Variants in CYTH1 observed in about 807,000 individuals in gnomAD.
CYTH1 encodes cytohesin 1, also known as cytohesin-1.
A neutral mutation model predicts 61.8 loss-of-function variants in CYTH1; 18 were observed. That is an observed-to-expected ratio of 0.29 (90% confidence interval 0.20 to 0.43). CYTH1 has a LOEUF of 0.43. CYTH1 is among the 20% of genes least tolerant of loss of function. The pLI, the probability that CYTH1 is intolerant of heterozygous loss-of-function variation, is 1.00. For missense variants in CYTH1, 336 were observed against 510.5 expected (o/e 0.66, Z 3.29); for synonymous variants, 174 against 184.3 (o/e 0.94, Z 0.45).
In CYTH1 at chr17:78,772,521, G is replaced by A. The variant is rs752668102; in HGVS notation, c.22+9681C>T. Among the ~76,000 whole-genome samples, 11 of 152,132 alleles carry A rather than the reference G, an allele frequency of 7.2e-5. No homozygotes were observed. In the East Asian group the frequency reaches 2.1e-3, roughly 29 times the overall value. On this transcript the variant is annotated intron_variant, in intron 1 of 13. Coordinates refer to ENST00000446868, the MANE Select transcript of CYTH1 (RefSeq NM_004762.6). ...GAGCCATAAGATTCCAGAAACTGAAGTGTTTTGTTTTGTTTCGTTTTTGTT... is the reference window on the plus strand; with the variant it reads ...GAGCCATAAGATTCCAGAAACTGAAATGTTTTGTTTTGTTTCGTTTTTGTT...
chr17:78,776,816 T>TTG (rs1218346923), intron 1 of CYTH1, among the ~76,000 whole-genome samples: 2 of 151,700 alleles, frequency 1.3e-5, no homozygotes, highest in African/African-American at 4.8e-5. Context: ...ATAAACAGTT[T>TTG]TTTTTTTTTT....
chr17:78,712,862 C>T (rs959615087), intron 1 of CYTH1, among the ~76,000 whole-genome samples: 20 of 151,828 alleles, frequency 1.3e-4, no homozygotes, highest in African/African-American at 3.1e-4. Context: ...CCTTAAACTG[C>T]GTCCCTGAGA....
chr17:78,780,082 C>G lies in CYTH1; in HGVS notation c.22+2120G>C, dbSNP rs954386302. On this transcript the variant is annotated intron_variant, in intron 1 of 13. Coordinates refer to ENST00000446868, the MANE Select transcript of CYTH1 (RefSeq NM_004762.6). Reference sequence around the variant, plus strand: ...AGCCTGGTAGGCAGGACACTGGGATCTGAGGGAAATTAAATGGCAAGAGGA... The same window carrying G: ...AGCCTGGTAGGCAGGACACTGGGATGTGAGGGAAATTAAATGGCAAGAGGA... Among the ~76,000 whole-genome samples, 3 of 152,208 alleles carry G rather than the reference C, an allele frequency of 2.0e-5. No individual in the cohort carries two copies. In the East Asian group the frequency reaches 5.8e-4, roughly 29 times the overall value.
At chr17:78,699,954 T>A (rs1227395932) in intron 7 of CYTH1, among the ~76,000 whole-genome samples, 6 of 152,156 alleles carry the variant, frequency 3.9e-5, no homozygotes, top group African/African-American at 1.4e-4. Flanking sequence ...CACACCTGGC[T>A]AATTTTTAAA....
intron 11 of CYTH1, among the ~76,000 whole-genome samples, chr17:78,686,024 G>C (rs545682021): frequency 2.6e-5 from 4 of 152,242 alleles, no homozygotes; most frequent in African/African-American, 9.6e-5. Context: ...TCTTTGATTT[G>C]CAGATTCAGG....
At chr17:78,692,597 G>T in intron 10 of CYTH1, 104 bp from the exon 11 acceptor site, 1 of 1,037,472 alleles carries the variant, frequency 9.6e-7, no homozygotes, top group Non-Finnish European at 1.5e-6. Context: ...TTGGGGGAGA[G>T]GCATCAGGAG....
intron 3 of CYTH1, among the ~76,000 whole-genome samples, chr17:78,705,282 C>T (rs912858116): frequency 6.6e-6 from 1 of 152,156 alleles, no homozygotes; most frequent in South Asian, 2.1e-4. Context: ...CTGGGACACA[C>T]ACCAGAGATG....
chr17:78,754,349 CT>C (rs879811186), intron 1 of CYTH1, among the ~76,000 whole-genome samples: 4 of 149,156 alleles, frequency 2.7e-5, no homozygotes, highest in Non-Finnish European at 4.5e-5. Context: ...TTTTTGTTTT[CT>C]TTTTTTTTTC....
At chr17:78,749,224 C>T (rs959775943) in intron 1 of CYTH1, among the ~76,000 whole-genome samples, 2 of 152,114 alleles carry the variant, frequency 1.3e-5, no homozygotes, top group South Asian at 2.1e-4. Flanking sequence ...CTTTGGGAGG[C>T]GAAGGCAGGC....
At chr17:78,763,314 AAAG>A (rs1470808998) in intron 1 of CYTH1, among the ~76,000 whole-genome samples, 2 of 152,096 alleles carry the variant, frequency 1.3e-5, no homozygotes, top group African/African-American at 4.8e-5. Context: ...AAAAAAAAAA[AAAG>A]ACTTTTAATC....
chr17:78,711,302 A>AAATAAT (rs1349893231), intron 1 of CYTH1, among the ~76,000 whole-genome samples: 35 of 132,238 alleles, frequency 2.6e-4, no homozygotes, highest in African/African-American at 9.3e-4. Flanking sequence ...ATAAATAAAT[A>AAATAAT]ATATATATAT....
chr17:78,700,117 T>C lies in CYTH1; in HGVS notation c.550+214A>G, dbSNP rs151029534. On this transcript the variant is annotated intron_variant, in intron 7 of 13. Transcript: ENST00000446868. The surrounding 1 kb of genome is among the most constrained non-coding windows in gnomAD (Gnocchi z 5.1). Reference sequence around the variant, plus strand: ...GCTAAAACATGGTTTTTAATAGCTGTGTATTTCGTAGTTCAGAGGTACCAC... The same window carrying C: ...GCTAAAACATGGTTTTTAATAGCTGCGTATTTCGTAGTTCAGAGGTACCAC... Among the ~76,000 whole-genome samples the C allele has an allele frequency of 2.6e-3, 393 of 152,316 alleles. 1 individual carries two copies. The highest frequency in any genetic ancestry group is 7.9e-3 in the African/African-American group (329 of 41,554).
intron 13 of CYTH1, among the ~76,000 whole-genome samples, chr17:78,679,829 C>T (rs545645245): frequency 9.2e-5 from 14 of 152,334 alleles, no homozygotes; most frequent in Admixed American, 6.5e-4. Context: ...TCACAAATTA[C>T]AGAACATGAC....
At chr17:78,776,842 T>C (rs2093493534) in intron 1 of CYTH1, among the ~76,000 whole-genome samples, 1 of 148,850 alleles carries the variant, frequency 6.7e-6, no homozygotes, top group Admixed American at 6.7e-5. Flanking sequence ...AAGAAACCAA[T>C]AGGCCAGGTG....
chr17:78,718,702 T>C (rs977464298), intron 1 of CYTH1, among the ~76,000 whole-genome samples: 1 of 152,218 alleles, frequency 6.6e-6, no homozygotes, highest in Non-Finnish European at 1.5e-5. Context: ...TTTGGAGACA[T>C]ACCAATGTTC....
intron 1 of CYTH1, among the ~76,000 whole-genome samples, chr17:78,781,900 G>C (rs1319351622): frequency 6.7e-6 from 1 of 150,338 alleles, no homozygotes; most frequent in African/African-American, 2.5e-5. Context: ...ATTCCTCAGA[G>C]CTCGCGGCGA....
chr17:78,685,166 T>C (rs942945692), intron 11 of CYTH1, among the ~76,000 whole-genome samples: 1 of 132,880 alleles, frequency 7.5e-6, no homozygotes, highest in African/African-American at 2.9e-5. Context: ...ATCGTGCCAC[T>C]GGACTCCAGC....
chr17:78,728,422 G>C (rs576115898), intron 1 of CYTH1, among the ~76,000 whole-genome samples: 17 of 152,168 alleles, frequency 1.1e-4, no homozygotes, highest in Admixed American at 9.2e-4. Flanking sequence ...GCACATGCCT[G>C]TAATCCCTGC....
intron 1 of CYTH1, among the ~76,000 whole-genome samples, chr17:78,734,349 G>C (rs577686713): frequency 8.5e-4 from 125 of 147,794 alleles, no homozygotes; most frequent in African/African-American, 2.9e-3. Flanking sequence ...AATTAAACTG[G>C]TTAATTCTCA....
Sources: gnomAD v4.1 joint callset for allele counts (sites outside exome capture counted in the v4.1 genomes callset) on GRCh38, gnomAD v4.1.1 for gene constraint, Gnocchi (gnomAD v3.1) non-coding constraint, MANE v1.5 for transcripts, NCBI Gene and HGNC (gene_info 2026-07-23, HGNC 2026-07-21) for gene names.